LUC7L2: variants seen among roughly 807,000 people sequenced by gnomAD.
The protein encoded by LUC7L2 is LUC7 like 2, pre-mRNA splicing factor, also known as putative RNA-binding protein Luc7-like 2.
A neutral mutation model predicts 52.8 loss-of-function variants in LUC7L2; 25 were observed. The observed-to-expected ratio is 0.47, with a 90% confidence interval of 0.34 to 0.66. LUC7L2 has a LOEUF of 0.66. LUC7L2 is among the 30% of genes least tolerant of loss of function. The pLI is 0.01. For missense variants in LUC7L2, 328 were observed against 497.8 expected (o/e 0.66, Z 3.25); for synonymous variants, 144 against 160.9 (o/e 0.89, Z 0.80).
intron 1 of LUC7L2, among the ~76,000 whole-genome samples, chr7:139,343,723 C>T (rs976859911): frequency 6.6e-6 from 1 of 151,924 alleles, no homozygotes; most frequent in African/African-American, 2.4e-5. Context: ...TCGCTTGTGC[C>T]CAGGAGTTCA....
At chr7:139,357,883 G>A (rs1429634030), upstream of LUC7L2, among the ~76,000 whole-genome samples, 1 of 151,870 alleles carries the variant, frequency 6.6e-6, no homozygotes, top group Non-Finnish European at 1.5e-5. Flanking sequence ...AGTAGAGACA[G>A]GGTTTCACCA....
intron 8 of LUC7L2, chr7:139,417,279 G>A (rs565548502): frequency 1.1e-5 from 4 of 351,474 alleles, no homozygotes; most frequent in East Asian, 1.1e-4. Flanking sequence ...GAGCTCAAGC[G>A]ATCCTCCTGC....
intron 2 of LUC7L2, among the ~76,000 whole-genome samples, chr7:139,387,255 G>A (rs540502753): frequency 1.1e-4 from 16 of 152,068 alleles, no homozygotes; most frequent in Non-Finnish European, 2.2e-4. Context: ...GTGCAGTGGC[G>A]CGATCTCGGC....
intron 2 of LUC7L2, among the ~76,000 whole-genome samples, chr7:139,387,648 C>T (rs940048036): frequency 6.6e-6 from 1 of 152,144 alleles, no homozygotes; most frequent in Non-Finnish European, 1.5e-5. Context: ...TGTTCCTACG[C>T]AAAACTTGTG....
chr7:139,344,043 C>T (rs1799137431), intron 1 of LUC7L2, among the ~76,000 whole-genome samples: 1 of 152,092 alleles, frequency 6.6e-6, no homozygotes, highest in African/African-American at 2.4e-5. Flanking sequence ...CACACATCCC[C>T]ATCTCACCTT....
chr7:139,340,693 T>G, intron 1 of LUC7L2: 1 of 392,892 alleles, frequency 2.5e-6, no homozygotes, highest in Non-Finnish European at 4.5e-6. Context: ...GCGCGTCGTT[T>G]GCAGAAGCCC....
intron 2 of LUC7L2, among the ~76,000 whole-genome samples, chr7:139,395,628 A>C (rs1486263460): frequency 6.6e-6 from 1 of 152,190 alleles, no homozygotes; most frequent in African/African-American, 2.4e-5. Context: ...ATAGTTTTAC[A>C]GAAAAACATT....
intron 1 of LUC7L2, among the ~76,000 whole-genome samples, chr7:139,349,994 G>A (rs942543221): frequency 2.0e-5 from 3 of 152,026 alleles, no homozygotes; most frequent in Non-Finnish European, 4.4e-5. Context: ...ACCTGGTCTC[G>A]GCAACCACTG....
At chr7:139,356,314 C>CAAAAAAAA (rs10524961), upstream of LUC7L2, among the ~76,000 whole-genome samples, 4 of 82,966 alleles carry the variant, frequency 4.8e-5, no homozygotes, top group East Asian at 5.0e-4. Flanking sequence ...GACCCTATCT[C>CAAAAAAAA]AAAAAAAAAA....
intron 9 of LUC7L2, among the ~76,000 whole-genome samples, chr7:139,420,152 T>G (rs1019514097): frequency 6.6e-6 from 1 of 152,230 alleles, no homozygotes; most frequent in African/African-American, 2.4e-5. Context: ...TCAAACATGT[T>G]TAGTGCAGAC....
At chr7:139,377,054 C>T (rs536860403) in intron 2 of LUC7L2, among the ~76,000 whole-genome samples, 1 of 152,252 alleles carries the variant, frequency 6.6e-6, no homozygotes, top group African/African-American at 2.4e-5. Flanking sequence ...GGAGGAAAGA[C>T]AGTTGAAACT....
chr7:139,408,755 T>G (rs1412098696), intron 6 of LUC7L2, among the ~76,000 whole-genome samples: 1 of 150,244 alleles, frequency 6.7e-6, no homozygotes, highest in East Asian at 2.0e-4. Context: ...GGCAGGAGAA[T>G]CACTTGAACC....
chr7:139,410,241 T>C (rs1795301614), intron 7 of LUC7L2, among the ~76,000 whole-genome samples: 1 of 152,100 alleles, frequency 6.6e-6, no homozygotes, highest in South Asian at 2.1e-4. Flanking sequence ...AATCCTTTTC[T>C]AGCCCTTTGA....
chr7:139,366,895 T>TC (rs1233455519), intron 1 of LUC7L2, among the ~76,000 whole-genome samples: 3 of 152,226 alleles, frequency 2.0e-5, no homozygotes, highest in Non-Finnish European at 4.4e-5. Flanking sequence ...GTGATTCTGA[T>TC]ACACATTAAA....
intron 2 of LUC7L2, among the ~76,000 whole-genome samples, chr7:139,388,501 T>TG (rs1388955620): frequency 6.6e-6 from 1 of 151,906 alleles, no homozygotes; most frequent in East Asian, 1.9e-4. Flanking sequence ...CTTGTTAACA[T>TG]GGGGGTCAGA....
rs1795977103 is a variant in LUC7L2 at position 139,423,399 on chromosome 7, T to TG, written c.*1063dup. ...GAAGGGCTCGACCTGCAGAAGAAAC[T>TG]GGGGTGTTTTTATTCTCATTCAACA... On this transcript the variant is annotated 3_prime_UTR_variant, in exon 10 of 10. Transcript: ENST00000354926. 2.5e-6 allele frequency: 1 copy of TG among 398,852 alleles called. No individual in the cohort carries two copies. Among genetic ancestry groups the TG allele is most frequent in the South Asian group, 1.3e-4 (1 of 7,862 alleles). The allele number at this position is 398,852 out of a possible 1,614,324, so 24.7% of individuals were successfully genotyped here. A position where few individuals can be genotyped will look rare whatever the true frequency, so the allele number is the denominator to read the frequency against.
chr7:139,341,601 G>T, intron 1 of LUC7L2: 1 of 1,548,510 alleles, frequency 6.5e-7, no homozygotes. Flanking sequence ...GGGGAGCACG[G>T]TGTTTAATTC....
intron 2 of LUC7L2, among the ~76,000 whole-genome samples, chr7:139,394,289 A>G (rs1238108295): frequency 6.6e-6 from 1 of 152,210 alleles, no homozygotes; most frequent in African/African-American, 2.4e-5. Context: ...CATCGTAGAT[A>G]AAACAGAAGA....
rs151225626 is a variant in LUC7L2, at chr7:139,351,344, A to G, written c.-26+10827A>G. On this transcript the variant is annotated intron_variant, in intron 1 of 10. Coordinates refer to the LUC7L2 transcript ENST00000541170. ...TTTCACTCAGTCCCTGAAGCCAGAA[A>G]TCTAAGTTATTCTTTACTGCTTTCT... 1.3e-3 allele frequency among the ~76,000 whole-genome samples: 204 copies of G among 152,342 alleles called. 2 individuals carry two copies. The highest frequency in any genetic ancestry group is 4.8e-3 in the African/African-American group (198 of 41,562).
Sources: allele counts gnomAD v4.1 joint callset (sites outside exome capture counted in the v4.1 genomes callset), GRCh38; gene constraint gnomAD v4.1.1; transcripts MANE v1.5; gene names NCBI Gene and HGNC (gene_info 2026-07-23, HGNC 2026-07-21).